RPS6KA3: variants seen among roughly 807,000 people sequenced by gnomAD.
RPS6KA3 encodes the protein ribosomal protein S6 kinase A3, also known as ribosomal protein S6 kinase alpha-3.
RPS6KA3 carries 4 observed loss-of-function variants against 67.2 expected under a neutral mutation model. The ratio of observed to expected loss-of-function variants is 0.06; its 90% CI spans 0.03 to 0.14. The LOEUF (loss-of-function observed/expected upper bound fraction) is 0.14, where lower values mean the gene tolerates loss of function less well. RPS6KA3 is among the 10% of genes least tolerant of loss of function. RPS6KA3 has a pLI of 1.00. For missense variants in RPS6KA3, 204 were observed against 559.0 expected, an observed-to-expected ratio of 0.36 and a Z score of 6.40; for synonymous variants, 182 against 183.7, an observed-to-expected ratio of 0.99 and a Z score of 0.07.
chrX:20,172,741 T>A lies in RPS6KA3; in HGVS notation c.1353+5A>T, dbSNP rs56321876. 2.5e-4 allele frequency: 296 copies of A among 1,178,655 alleles called. 3 individuals carry two copies. In the East Asian group the frequency reaches 8.9e-3, roughly 35 times the overall value. On this transcript the variant is annotated splice_donor_5th_base_variant and intron_variant, in intron 15 of 21. Transcript: ENST00000379565. ...TGAATTGCATTTTAAATAAAAAAAA[T>A]TTACCTTCACTGCAAACTCCATGTT...
At chrX:20,188,628 T>C in intron 7 of RPS6KA3, 94 bp from the exon 8 acceptor site, 1 of 490,358 alleles carries the variant, frequency 2.0e-6, no homozygotes, top group East Asian at 3.7e-5. Flanking sequence ...GATCACCACA[T>C]TTACTCTAAA....
chrX:20,161,160 T>C (rs993712999), intron 20 of RPS6KA3, among the ~76,000 whole-genome samples: 20 of 111,858 alleles, frequency 1.8e-4, no homozygotes, highest in Non-Finnish European at 3.6e-4. Flanking sequence ...GAATTAAAAA[T>C]AGAACATGGT....
chrX:20,187,802 T>C, intron 9 of RPS6KA3, 26 bp downstream of exon 9: 1 of 1,186,748 alleles, frequency 8.4e-7, no homozygotes, highest in Non-Finnish European at 1.1e-6. Context: ...CCTTCCCCTC[T>C]AAAAAATCCC....
intron 2 of RPS6KA3, among the ~76,000 whole-genome samples, chrX:20,223,533 T>C (rs1016171012): frequency 8.9e-6 from 1 of 112,226 alleles, no homozygotes; most frequent in African/African-American, 3.2e-5. Flanking sequence ...AACTTTCATA[T>C]TGGTATACTG....
At chrX:20,188,047 C>A in intron 8 of RPS6KA3, 77 bp from the exon 9 acceptor site, 1 of 940,166 alleles carries the variant, frequency 1.1e-6, no homozygotes, top group East Asian at 3.1e-5. Flanking sequence ...TGACATTAAT[C>A]ATTTAAAATT....
intron 1 of RPS6KA3, among the ~76,000 whole-genome samples, chrX:20,245,240 T>C (rs1430827307): frequency 8.9e-6 from 1 of 112,079 alleles, no homozygotes; most frequent in East Asian, 2.8e-4. Flanking sequence ...TATAAAACTT[T>C]AAGGATTAAA....
intron 7 of RPS6KA3, among the ~76,000 whole-genome samples, chrX:20,192,325 C>A (rs1163472438): frequency 9.2e-6 from 1 of 108,544 alleles, no homozygotes; most frequent in East Asian, 2.9e-4. Flanking sequence ...AGAAAATTTT[C>A]AATAAATGGT....
intron 19 of RPS6KA3, among the ~76,000 whole-genome samples, chrX:20,162,314 T>G (rs1431979417): frequency 1.0e-5 from 1 of 97,800 alleles, no homozygotes; most frequent in Non-Finnish European, 2.0e-5. Context: ...CCAGTCTGGG[T>G]GATAGAGCAA....
intron 2 of RPS6KA3, among the ~76,000 whole-genome samples, chrX:20,221,896 T>C (rs943082718): frequency 4.4e-5 from 5 of 112,403 alleles, no homozygotes; most frequent in Non-Finnish European, 7.5e-5. Context: ...TGGCACGTTG[T>C]CCTCCAGGAA....
At chrX:20,191,827 C>T (rs1336166880) in intron 7 of RPS6KA3, among the ~76,000 whole-genome samples, 1 of 110,547 alleles carries the variant, frequency 9.0e-6, no homozygotes, top group Admixed American at 9.6e-5. Flanking sequence ...AGTGCAATGG[C>T]GCGATCTCAG....
intron 1 of RPS6KA3, among the ~76,000 whole-genome samples, chrX:20,244,265 G>A (rs765996060): frequency 2.7e-5 from 3 of 111,628 alleles, no homozygotes; most frequent in East Asian, 2.8e-4. Context: ...CTGGCCTCAC[G>A]CAATCCTCCC....
chrX:20,199,043 T>G (rs1481737604), intron 4 of RPS6KA3, among the ~76,000 whole-genome samples: 10 of 111,294 alleles, frequency 9.0e-5, no homozygotes, highest in Non-Finnish European at 1.9e-5. Context: ...AGCTAATTTT[T>G]GTATTTTTAG....
chrX:20,239,897 C>T (rs896368589), intron 1 of RPS6KA3, among the ~76,000 whole-genome samples: 1 of 111,582 alleles, frequency 9.0e-6, no homozygotes, highest in African/African-American at 3.2e-5. Flanking sequence ...AATTTAAAAA[C>T]TTTCATTTTA....
rs1054434822 is a variant in RPS6KA3 at position 20,197,057 on chromosome X, C to G, written c.326-1912G>C. On this transcript the variant is annotated intron_variant, in intron 4 of 21. Coordinates refer to ENST00000379565, the MANE Select transcript of RPS6KA3 (RefSeq NM_004586.3). ...GTTTCACCATGTTGGCCAGGCTGGT[C>G]TCTAACTCCTGACCTCAGGTGATCC... 3.4e-4 allele frequency among the ~76,000 whole-genome samples: 38 copies of G among 112,273 alleles called. No homozygotes were observed. The Admixed American group carries it at 3.6e-3, about 11-fold the overall frequency.
chrX:20,252,502 G>A (rs1446949528), intron 1 of RPS6KA3, among the ~76,000 whole-genome samples: 1 of 110,032 alleles, frequency 9.1e-6, no homozygotes, highest in Non-Finnish European at 1.9e-5. Context: ...ACATCACCCA[G>A]GCAAAAGTGG....
In RPS6KA3 at chrX:20,151,503, GGGA is replaced by G. The variant is rs1218131196; in HGVS notation, c.*3892_*3894del. 8.9e-6 allele frequency: 1 copy of G among 112,312 alleles called. No individual in the cohort carries two copies. Among genetic ancestry groups the G allele is most frequent in the Non-Finnish European group, 1.9e-5 (1 of 53,208 alleles). The allele number at this position is 112,312 out of a possible 1,213,427, so 9.3% of individuals were successfully genotyped here. A position where few individuals can be genotyped will look rare whatever the true frequency, so the allele number is the denominator to read the frequency against. Reference sequence around the variant, plus strand: ...GTTACATGGCATTGGGCCTTTCAGAGGGACACAACTCTAGGACTAGATTGAAAC... The same window carrying G: ...GTTACATGGCATTGGGCCTTTCAGAGCACAACTCTAGGACTAGATTGAAAC... On this transcript the variant is annotated 3_prime_UTR_variant, in exon 22 of 22. Transcript: ENST00000379565.
chrX:20,162,475 T>C (rs1490456659), intron 19 of RPS6KA3, among the ~76,000 whole-genome samples: 1 of 109,633 alleles, frequency 9.1e-6, no homozygotes, highest in Non-Finnish European at 1.9e-5. Context: ...AATGTGGAAT[T>C]GTTACAGAAT....
intron 20 of RPS6KA3, among the ~76,000 whole-genome samples, chrX:20,160,019 C>T (rs2067270762): frequency 1.8e-5 from 2 of 112,077 alleles, no homozygotes; most frequent in Admixed American, 9.5e-5. Context: ...TATTCTCATG[C>T]TATCATCACC....
chrX:20,263,934 T>C (rs1295012737), intron 1 of RPS6KA3, among the ~76,000 whole-genome samples: 1 of 111,302 alleles, frequency 9.0e-6, no homozygotes, highest in Non-Finnish European at 1.9e-5. Flanking sequence ...GAGAGAAATA[T>C]TTTGATGTAT....
Sources: gnomAD v4.1 joint callset for allele counts (sites outside exome capture counted in the v4.1 genomes callset) on GRCh38, gnomAD v4.1.1 for gene constraint, MANE v1.5 for transcripts, NCBI Gene and HGNC (gene_info 2026-07-23, HGNC 2026-07-21) for gene names.